Variants in WSCD1 observed in about 807,000 individuals in gnomAD.
The protein encoded by WSCD1 is WSC domain sialate O sulfotransferase 1, also known as sialate:O-sulfotransferase 1.
In WSCD1, 41 loss-of-function variants were observed where a neutral mutation model predicts 60.4. The ratio of observed to expected loss-of-function variants is 0.68; its 90% confidence interval spans 0.53 to 0.88. The LOEUF (loss-of-function observed/expected upper bound fraction) is 0.88, where lower values mean the gene tolerates loss of function less well. Ranked by LOEUF, WSCD1 falls within the 40% of genes least tolerant of loss-of-function variation. The pLI is 0.00. For synonymous variants in WSCD1, 361 were observed against 332.5 expected, an observed-to-expected ratio of 1.09 and a Z score of -0.93; for missense variants, 784 against 796.2, an observed-to-expected ratio of 0.98 and a Z score of 0.18.
At chr17:6,115,998 G>A (rs1911667113) in intron 7 of WSCD1, among the ~76,000 whole-genome samples, 1 of 152,092 alleles carries the variant, frequency 6.6e-6, no homozygotes, top group Admixed American at 6.5e-5. Flanking sequence ...ATTGGGCTCT[G>A]GAATCACTTA....
chr17:6,119,146 C>T (rs1362303312), intron 8 of WSCD1, among the ~76,000 whole-genome samples: 1 of 152,232 alleles, frequency 6.6e-6, no homozygotes, highest in South Asian at 2.1e-4. Flanking sequence ...ATCCCCCATC[C>T]CTAATACCAT....
At chr17:6,106,504 C>CA (rs1257523796) in intron 5 of WSCD1, among the ~76,000 whole-genome samples, 3 of 152,136 alleles carry the variant, frequency 2.0e-5, no homozygotes, top group Non-Finnish European at 2.9e-5. Context: ...GCCAGGCACA[C>CA]AAAAAACATG....
intron 1 of WSCD1, among the ~76,000 whole-genome samples, chr17:6,072,768 C>T (rs779706913): frequency 6.6e-6 from 1 of 152,216 alleles, no homozygotes; most frequent in South Asian, 2.1e-4. Context: ...CACATTCTTC[C>T]TTTAATCTCT....
intron 3 of WSCD1, 117 bp downstream of exon 3, chr17:6,088,221 G>T (rs1157867619): frequency 3.6e-6 from 3 of 829,762 alleles, no homozygotes; most frequent in Non-Finnish European, 1.9e-6. Context: ...GGAACTCACT[G>T]CTCAGATCCC....
chr17:6,099,342 C>T (rs1006806123), intron 5 of WSCD1, among the ~76,000 whole-genome samples: 3 of 152,020 alleles, frequency 2.0e-5, no homozygotes, highest in Admixed American at 2.0e-4. Flanking sequence ...TGGTGAAACA[C>T]TGTCTCTACT....
At chr17:6,091,984 G>A (rs991169371) in intron 4 of WSCD1, among the ~76,000 whole-genome samples, 13 of 152,020 alleles carry the variant, frequency 8.6e-5, no homozygotes, top group East Asian at 3.9e-4. Flanking sequence ...GTGAAAACCC[G>A]TCTCTACTAA....
chr17:6,091,957 C>T (rs1008511342), intron 4 of WSCD1, among the ~76,000 whole-genome samples: 2 of 152,110 alleles, frequency 1.3e-5, no homozygotes, highest in African/African-American at 2.4e-5. Flanking sequence ...GAGTTCGAGA[C>T]CAGCCTGACC....
At chr17:6,116,169 A>G (rs1252340009) in intron 7 of WSCD1, among the ~76,000 whole-genome samples, 1 of 152,128 alleles carries the variant, frequency 6.6e-6, no homozygotes, top group Admixed American at 6.5e-5. Flanking sequence ...GGAATCACCC[A>G]CTGTGCCCAG....
chr17:6,075,566 G>A lies in WSCD1; in HGVS notation c.-288-4805G>A, dbSNP rs1908798289. On this transcript the variant is annotated intron_variant, in intron 1 of 8. Coordinates refer to ENST00000317744, the MANE Select transcript of WSCD1 (RefSeq NM_015253.2). The surrounding 1 kb of genome is among the most constrained non-coding windows in gnomAD (Gnocchi z 4.1). ...AAGCTCAGGTTGTCTGAATATCCAG[G>A]TGCTCTGGGCTCCTGCTCCCTCCCT... Among the ~76,000 whole-genome samples, 3 of 152,128 alleles carry A rather than the reference G, an allele frequency of 2.0e-5. No homozygotes were observed. Among genetic ancestry groups the A allele is most frequent in the Admixed American group, 1.3e-4 (2 of 15,278 alleles).
intron 4 of WSCD1, among the ~76,000 whole-genome samples, chr17:6,091,771 G>A (rs1910058095): frequency 6.6e-6 from 1 of 152,156 alleles, no homozygotes; most frequent in African/African-American, 2.4e-5. Flanking sequence ...ACAGCCCAGG[G>A]TCCAGGCTCA....
intron 4 of WSCD1, 128 bp downstream of exon 4, chr17:6,090,633 A>C (rs1909972917): frequency 5.4e-6 from 7 of 1,293,856 alleles, no homozygotes; most frequent in Non-Finnish European, 7.3e-6. Context: ...TCCCTTCCCT[A>C]TTGCCATCAC....
At chr17:6,087,083 A>G (rs1476214295) in intron 2 of WSCD1, among the ~76,000 whole-genome samples, 1 of 152,154 alleles carries the variant, frequency 6.6e-6, no homozygotes, top group Non-Finnish European at 1.5e-5. Flanking sequence ...GTGTGCGTTC[A>G]CGGCTTGGGG....
rs749907643 is a variant in WSCD1 at position 6,080,861 on chromosome 17, A to G, written c.203A>G (p.Asp68Gly). Residue 68 changes from aspartate to glycine, a missense_variant, in exon 2 of 9, where the codon GAC (aspartate) becomes GGC (glycine). Coordinates refer to ENST00000317744, the MANE Select transcript of WSCD1 (RefSeq NM_015253.2). The surrounding 1 kb of genome is among the most constrained non-coding windows in gnomAD (Gnocchi z 6.6). The part of the protein sequence containing the change: ...AAVALGVGLL[D>G]SRALHDPRVS... ...GTGGCGCTGGGCGTGGGCTTGCTGG[A>G]CAGCAGAGCCCTGCACGACCCTCGA... 6.2e-7 allele frequency: 1 copy of G among 1,605,744 alleles called. No homozygotes were observed. Among genetic ancestry groups the G allele is most frequent in the Non-Finnish European group, 8.5e-7 (1 of 1,178,382 alleles).
intron 1 of WSCD1, chr17:6,077,877 T>G (rs1908967120): frequency 1.3e-5 from 2 of 152,104 alleles, no homozygotes; most frequent in African/African-American, 4.8e-5. Context: ...CGGAGCCCCT[T>G]TGTGAGCAGA....
intron 2 of WSCD1, among the ~76,000 whole-genome samples, chr17:6,081,482 G>A (rs906888517): frequency 8.6e-5 from 13 of 151,978 alleles, no homozygotes; most frequent in African/African-American, 2.4e-4. Flanking sequence ...AGACCGAGGC[G>A]GGCAGATCAC....
Position 6,121,070 on chromosome 17 carries a change from G to C in WSCD1, c.*409G>C. 1 of 198,604 alleles carries C rather than the reference G, an allele frequency of 5.0e-6. No individual in the cohort carries two copies. The highest frequency in any genetic ancestry group is 1.0e-5 in the Non-Finnish European group (1 of 97,632). 12.3% of individuals were successfully genotyped at this position (198,604 alleles called of 1,614,324 possible). ...TCACACAGATACACGTGCGCTCCCT[G>C]GGATCCGGGAGGCCCTGGGCTTCCT... On this transcript the variant is annotated 3_prime_UTR_variant, in exon 9 of 9. Coordinates refer to ENST00000317744, the MANE Select transcript of WSCD1 (RefSeq NM_015253.2).
chr17:6,077,566 C>G (rs1908947465), intron 1 of WSCD1, among the ~76,000 whole-genome samples: 1 of 152,158 alleles, frequency 6.6e-6, no homozygotes, highest in African/African-American at 2.4e-5. Context: ...CAGGGAAACC[C>G]CTTCTGGGAA....
intron 1 of WSCD1, among the ~76,000 whole-genome samples, chr17:6,076,468 C>T (rs1305104317): frequency 6.6e-6 from 1 of 152,162 alleles, no homozygotes; most frequent in Non-Finnish European, 1.5e-5. Context: ...AGTCTGACTT[C>T]ACCAGTGGCA....
chr17:6,091,052 G>T (rs555006343), intron 4 of WSCD1, among the ~76,000 whole-genome samples: 2 of 151,918 alleles, frequency 1.3e-5, no homozygotes, highest in Admixed American at 6.6e-5. Context: ...CACCACACCC[G>T]GCTAATGTTT....
Sources: allele counts gnomAD v4.1 joint callset (sites outside exome capture counted in the v4.1 genomes callset), GRCh38; gene constraint gnomAD v4.1.1; non-coding constraint Gnocchi (gnomAD v3.1); transcripts MANE v1.5; gene names NCBI Gene and HGNC (gene_info 2026-07-23, HGNC 2026-07-21).